Variants in ITPRID2 observed in about 807,000 individuals in gnomAD.
ITPRID2 encodes protein ITPRID2.
In ITPRID2, 60 loss-of-function variants were observed where a neutral mutation model predicts 124.3. The ratio of observed to expected loss-of-function variants is 0.48; its 90% CI spans 0.39 to 0.60. The LOEUF (loss-of-function observed/expected upper bound fraction) is 0.60, where lower values mean the gene tolerates loss of function less well. Among genes scored for constraint, ITPRID2 ranks in the 20% least tolerant of loss-of-function variants. ITPRID2 has a pLI of 0.00. For missense variants in ITPRID2, 1,553 were observed against 1,512.2 expected (o/e 1.03, Z -0.45); for synonymous variants, 521 against 542.9 (o/e 0.96, Z 0.56).
At chr2:181,899,277 G>C (rs1692468882) in intron 6 of ITPRID2, among the ~76,000 whole-genome samples, 165 bp downstream of exon 6, 1 of 152,050 alleles carries the variant, frequency 6.6e-6, no homozygotes, top group Admixed American at 6.6e-5. Context: ...GTTTTGTTTT[G>C]TTTTGTTTTG....
In ITPRID2 at chr2:181,896,950, C is replaced by T. The variant is rs774812929; in HGVS notation, c.350C>T (p.Ser117Leu). 1 of 1,612,324 alleles carries T rather than the reference C, an allele frequency of 6.2e-7. No individual in the cohort carries two copies. Among genetic ancestry groups the T allele is most frequent in the Admixed American group, 1.7e-5 (1 of 59,964 alleles). ...GGAGGAAGTTTTGAAGATGATTTGT[C>T]ATTGGGAGCTGAAGGTATGTTTGTT... ...RNGGSFEDDL[S>L]LGAEANHLHE... The change falls in exon 4 of 18, where the codon TCA becomes TTA. Residue 117 changes from serine to leucine, a missense_variant. Ser to Leu is a moderately radical substitution (Grantham distance 145, BLOSUM62 -2). Transcript: ENST00000431877. This position sits in a 1 kb window ranked among gnomAD's most constrained non-coding sequence, Gnocchi z 4.3.
chr2:181,892,802 C>T lies in ITPRID2; in HGVS notation c.257+142C>T. ...GGAAAGTGAGCCGGCGGATAGCTTC[C>T]TCCTCTAAGCGATTAGAAATGGAAG... On this transcript the variant is annotated intron_variant, in intron 2 of 17. Transcript: ENST00000431877. The surrounding 1 kb of genome is among the most constrained non-coding windows in gnomAD (Gnocchi z 5.2). 1 of 883,130 alleles carries T rather than the reference C, an allele frequency of 1.1e-6. No homozygotes were observed. Among genetic ancestry groups the T allele is most frequent in the Non-Finnish European group, 1.8e-6 (1 of 561,188 alleles). The allele number at this position is 883,130 out of a possible 1,614,324, so 54.7% of individuals were successfully genotyped here. A position where few individuals can be genotyped will look rare whatever the true frequency, so the allele number is the denominator to read the frequency against.
chr2:181,908,907 T>G (rs533922223), intron 8 of ITPRID2, among the ~76,000 whole-genome samples: 10 of 152,246 alleles, frequency 6.6e-5, no homozygotes, highest in Admixed American at 5.2e-4. Flanking sequence ...GTACCACACT[T>G]TACTAGGATG....
Position 181,905,870 on chromosome 2 carries a change from C to A in ITPRID2, c.1413+3404C>A, listed in dbSNP as rs550330535. Among the ~76,000 whole-genome samples the A allele has an allele frequency of 6.6e-6, 1 of 152,242 alleles. No individual in the cohort carries two copies. Among genetic ancestry groups the A allele is most frequent in the South Asian group, 2.1e-4 (1 of 4,820 alleles). ...ACAGATAATTAAGTTGTTCCTTTGGCCTTTTAAATGTAACTGTGTATGTTT... is the reference window on the plus strand; with the variant it reads ...ACAGATAATTAAGTTGTTCCTTTGGACTTTTAAATGTAACTGTGTATGTTT... On this transcript the variant is annotated intron_variant, in intron 8 of 17. Transcript: ENST00000431877. The surrounding 1 kb of genome is among the most constrained non-coding windows in gnomAD (Gnocchi z 4.1).
At chr2:181,913,712 A>T in intron 9 of ITPRID2, 133 bp from the exon 10 acceptor site, 1 of 557,586 alleles carries the variant, frequency 1.8e-6, no homozygotes, top group Non-Finnish European at 3.0e-6. Flanking sequence ...TCTAAGAAGC[A>T]GTCAAATATT....
chr2:181,928,720 G>A (rs938434398), intron 17 of ITPRID2, among the ~76,000 whole-genome samples: 6 of 151,866 alleles, frequency 4.0e-5, no homozygotes, highest in African/African-American at 1.5e-4. Context: ...CCGCCTCCCG[G>A]GTTCACGCCA....
intron 2 of ITPRID2, among the ~76,000 whole-genome samples, chr2:181,895,003 A>G (rs1338025244): frequency 6.6e-6 from 1 of 152,120 alleles, no homozygotes; most frequent in Admixed American, 6.5e-5. Context: ...CAAAAAATAG[A>G]TTAAAGCTTT....
chr2:181,919,429 C>A lies in ITPRID2; in HGVS notation c.3127C>A (p.Arg1043Ser), dbSNP rs373198665. The change falls in exon 14 of 18, where the codon CGC (arginine) becomes AGC (serine). Residue 1043 changes from arginine to serine, a missense_variant. Coordinates refer to ENST00000431877, the MANE Select transcript of ITPRID2 (RefSeq NM_001130445.3). This position sits in a 1 kb window ranked among gnomAD's most constrained non-coding sequence, Gnocchi z 4.2. Reference protein sequence around the residue: ...LRAVRMPSPFRSSALMGMCGS... With the variant: ...LRAVRMPSPFSSSALMGMCGS... ...TGCTGTGCGCATGCCTTCACCCTTC[C>A]GCTCCTCCGCACTCATGGTACGCTA... 6.2e-7 allele frequency: 1 copy of A among 1,603,084 alleles called. No individual in the cohort carries two copies. The highest frequency in any genetic ancestry group is 1.7e-5 in the Admixed American group (1 of 58,374).
chr2:181,895,319 A>G (rs76917072), intron 2 of ITPRID2, among the ~76,000 whole-genome samples: 2,164 of 152,182 alleles, frequency 0.014, 26 homozygotes, highest in Non-Finnish European at 0.023. Flanking sequence ...TGAAAAAAAG[A>G]TATTTCTCTC....
At chr2:181,926,564 T>G (rs1320055295) in intron 16 of ITPRID2, among the ~76,000 whole-genome samples, 1 of 151,802 alleles carries the variant, frequency 6.6e-6, no homozygotes, top group African/African-American at 2.4e-5. Context: ...ATACAAAAAA[T>G]TAGCCGGGCG....
At position 181,896,010 on chromosome 2, in the gene ITPRID2, A is replaced by G; in HGVS notation, c.258-20A>G. The G allele has an allele frequency of 1.2e-6, 2 of 1,610,966 alleles. No individual in the cohort carries two copies. Among genetic ancestry groups the G allele is most frequent in the East Asian group, 2.2e-5 (1 of 44,812 alleles). On this transcript the variant is annotated intron_variant, in intron 2 of 17. Coordinates refer to ENST00000431877, the MANE Select transcript of ITPRID2 (RefSeq NM_001130445.3). The surrounding 1 kb of genome is among the most constrained non-coding windows in gnomAD (Gnocchi z 4.3). ...ATAGCCTTTCACAAGACTAAGGCTT[A>G]TACGTTTATATGGTTTCAGTACACC... is the stretch of plus-strand genomic sequence containing the variant.
chr2:181,897,112 TTAA>T, intron 4 of ITPRID2, 148 bp downstream of exon 4: 2 of 698,090 alleles, frequency 2.9e-6, no homozygotes, highest in Non-Finnish European at 5.1e-6. Flanking sequence ...CCTTTCTTTG[TTAA>T]TAATCTAGTC....
intron 15 of ITPRID2, 32 bp from the exon 16 acceptor site, chr2:181,921,916 A>AG: frequency 6.3e-7 from 1 of 1,575,942 alleles, no homozygotes; most frequent in Middle Eastern, 1.7e-4. Context: ...TAATTCCAAG[A>AG]GAGAAGAATA....
chr2:181,898,296 A>C (rs1409407741), intron 4 of ITPRID2, among the ~76,000 whole-genome samples: 1 of 152,050 alleles, frequency 6.6e-6, no homozygotes, highest in Non-Finnish European at 1.5e-5. Flanking sequence ...ATTTAACTTT[A>C]AACATTAACA....
chr2:181,897,064 T>A, intron 4 of ITPRID2, 100 bp downstream of exon 4: 1 of 1,007,008 alleles, frequency 9.9e-7, no homozygotes, highest in Non-Finnish European at 1.5e-6. Flanking sequence ...AAGCTAAATT[T>A]AAAGGTCTTG....
chr2:181,920,618 G>T lies in ITPRID2; in HGVS notation c.3166G>T (p.Ala1056Ser), dbSNP rs1131495. 6 of 1,613,198 alleles carry T rather than the reference G, an allele frequency of 3.7e-6. No individual in the cohort carries two copies. Among genetic ancestry groups the T allele is most frequent in the African/African-American group, 1.3e-5 (1 of 74,870 alleles). Residue 1056 changes from alanine (A) to serine (S), a missense_variant, in exon 15 of 18, where the codon GCT becomes TCT. Transcript: ENST00000431877. ...TCAGGGAATGTGTGGCAGTAGAAGC[G>T]CTGATAACTTGTCATGCCCTTCTCC... ...ALMGMCGSRS[A>S]DNLSCPSPLN...
Position 181,891,869 on chromosome 2 carries a change from C to T in ITPRID2, c.-198C>T, listed in dbSNP as rs1691715287. On this transcript the variant is annotated 5_prime_UTR_variant, in exon 1 of 18. Coordinates refer to ENST00000431877, the MANE Select transcript of ITPRID2 (RefSeq NM_001130445.3). ...CGCCCGGCCGCCTTCATGTGAAGCGCCGGCCCTCCGCCCCTTCCCTCCCCT... is the reference window on the plus strand; with the variant it reads ...CGCCCGGCCGCCTTCATGTGAAGCGTCGGCCCTCCGCCCCTTCCCTCCCCT... The T allele has an allele frequency of 5.2e-5, 18 of 347,398 alleles. No homozygotes were observed. The highest frequency in any genetic ancestry group is 4.5e-4 in the South Asian group (18 of 39,752). 21.5% of individuals were successfully genotyped at this position (347,398 alleles called of 1,614,324 possible). A position where few individuals can be genotyped will look rare whatever the true frequency, so the allele number is the denominator to read the frequency against.
At chr2:181,921,484 A>C (rs1033309430) in intron 15 of ITPRID2, among the ~76,000 whole-genome samples, 1 of 152,112 alleles carries the variant, frequency 6.6e-6, no homozygotes, top group African/African-American at 2.4e-5. Flanking sequence ...TCTCAAAAAA[A>C]AAAAGAAAAT....
intron 11 of ITPRID2, chr2:181,916,643 C>T: frequency 1.3e-6 from 1 of 758,166 alleles, no homozygotes; most frequent in East Asian, 2.9e-5. Context: ...TTTCTCTGCT[C>T]ACAAGTCTGT....
Sources: allele counts gnomAD v4.1 joint callset (sites outside exome capture counted in the v4.1 genomes callset), GRCh38; gene constraint gnomAD v4.1.1; non-coding constraint Gnocchi (gnomAD v3.1); transcripts MANE v1.5; gene names NCBI Gene and HGNC (gene_info 2026-07-23, HGNC 2026-07-21).